Variants in ZNF587 observed in about 807,000 individuals in gnomAD.
ZNF587 encodes the protein zinc finger protein zfp6.
Under a neutral mutation model 7.5 loss-of-function variants are expected in ZNF587, and 8 were observed. The ratio of observed to expected loss-of-function variants is 1.06; its 90% CI spans 0.62 to 1.92. The LOEUF is 1.92. Among genes scored for constraint, ZNF587 ranks in the 40% most tolerant of loss-of-function variants. The pLI, the probability that ZNF587 is intolerant of heterozygous loss-of-function variation, is 0.00. For missense variants in ZNF587, 468 were observed against 692.8 expected (o/e 0.68, Z 3.64); for synonymous variants, 145 against 237.8 (o/e 0.61, Z 3.59).
rs1423350443 is a variant in ZNF587, at chr19:57,850,303, G to A, written c.33+232G>A. 1.8e-5 allele frequency: 12 copies of A among 675,220 alleles called. No individual in the cohort carries two copies. The East Asian group carries it at 2.2e-4, about 12-fold the overall frequency. 41.8% of individuals were successfully genotyped at this position (675,220 alleles called of 1,614,324 possible). ...TTGCGATGGAGAAATAGTAATTCAC[G>A]CAGAGCCGTCCTGCTGTTCGGGAGA... On this transcript the variant is annotated intron_variant, in intron 1 of 2. Transcript: ENST00000339656.
chr19:57,850,247 T>A, intron 1 of ZNF587, 176 bp downstream of exon 1: 2 of 1,088,616 alleles, frequency 1.8e-6, no homozygotes, highest in Non-Finnish European at 2.7e-6. Context: ...GCCAGCTGCC[T>A]AGACAGAGCC....
Position 57,856,143 on chromosome 19 carries a change from T to C in ZNF587, c.73T>C (p.Ser25Pro). The C allele has an allele frequency of 6.2e-7, 1 of 1,612,928 alleles. No homozygotes were observed. The highest frequency in any genetic ancestry group is 8.5e-7 in the Non-Finnish European group (1 of 1,179,580). ...CTTTGAAGATGTGGCTGTGAACTTTTCCCAGGAGGAGTGGTGTCTTCTTAG... is the reference window on the plus strand; with the variant it reads ...CTTTGAAGATGTGGCTGTGAACTTTCCCCAGGAGGAGTGGTGTCTTCTTAG... ...VTFEDVAVNF[S>P]QEEWCLLSEA... The change falls in exon 2 of 3, where the codon TCC (serine) becomes CCC (proline). Residue 25 changes from serine (S) to proline (P), a missense_variant. Coordinates refer to ENST00000339656, the MANE Select transcript of ZNF587 (RefSeq NM_032828.4).
At chr19:57,858,418 T>C (rs1489777471) in intron 2 of ZNF587, 158 bp from the exon 3 acceptor site, 1 of 1,438,704 alleles carries the variant, frequency 7.0e-7, no homozygotes, top group Non-Finnish European at 9.2e-7. Context: ...TGAGCCACCA[T>C]GCCCAGCCAG....
intron 2 of ZNF587, among the ~76,000 whole-genome samples, chr19:57,857,675 C>T (rs1045279535): frequency 6.6e-6 from 1 of 151,708 alleles, no homozygotes; most frequent in African/African-American, 2.4e-5. Context: ...GCTCTTGTTG[C>T]CCAAGCTGGA....
chr19:57,860,355 G>A lies in ZNF587; in HGVS notation c.*215G>A. The A allele has an allele frequency of 1.2e-6, 1 of 831,704 alleles. No homozygotes were observed. Among genetic ancestry groups the A allele is most frequent in the Non-Finnish European group, 1.8e-6 (1 of 542,842 alleles). The allele number at this position is 831,704 out of a possible 1,614,324, so 51.5% of individuals were successfully genotyped here. A position where few individuals can be genotyped will look rare whatever the true frequency, so the allele number is the denominator to read the frequency against. On this transcript the variant is annotated 3_prime_UTR_variant, in exon 3 of 3. Transcript: ENST00000339656. Reference sequence around the variant, plus strand: ...GCAGTCTTGGCTCGCTGCAACTTGGGCCTCCTGGGTTCATGCAATCCTCCT... The same window carrying A: ...GCAGTCTTGGCTCGCTGCAACTTGGACCTCCTGGGTTCATGCAATCCTCCT...
intron 1 of ZNF587, among the ~76,000 whole-genome samples, chr19:57,855,101 C>T (rs556069861): frequency 6.6e-6 from 1 of 151,688 alleles, no homozygotes; most frequent in African/African-American, 2.4e-5. Flanking sequence ...GGAGAATGGC[C>T]TGAACCTGGG....
chr19:57,864,076 T>C lies in ZNF587; in HGVS notation c.*3936T>C, dbSNP rs1480126991. Reference sequence around the variant, plus strand: ...AAAAAAACTCAATCCATAAATGTTATACTTTATAACTTTATAACAGCATGT... The same window carrying C: ...AAAAAAACTCAATCCATAAATGTTACACTTTATAACTTTATAACAGCATGT... On this transcript the variant is annotated 3_prime_UTR_variant, in exon 3 of 3. Transcript: ENST00000339656. 2 of 150,422 alleles carry C rather than the reference T, an allele frequency of 1.3e-5. No individual in the cohort carries two copies. The highest frequency in any genetic ancestry group is 1.5e-5 in the Non-Finnish European group (1 of 67,734). The allele number at this position is 150,422 out of a possible 1,614,324, so 9.3% of individuals were successfully genotyped here. A position where few individuals can be genotyped will look rare whatever the true frequency, so the allele number is the denominator to read the frequency against.
intron 2 of ZNF587, among the ~76,000 whole-genome samples, chr19:57,857,520 A>G (rs1168780697): frequency 1.3e-5 from 2 of 151,756 alleles, no homozygotes; most frequent in African/African-American, 4.9e-5. Context: ...CCATGGTTAA[A>G]CCATCTATGA....
chr19:57,855,601 G>A (rs1476432612), intron 1 of ZNF587, among the ~76,000 whole-genome samples: 1 of 138,760 alleles, frequency 7.2e-6, no homozygotes, highest in Admixed American at 7.8e-5. Flanking sequence ...TCGCTCTGTT[G>A]GCCAGGGTGG....
chr19:57,849,876 G>T lies in ZNF587; in HGVS notation c.-163G>T, dbSNP rs1172279120. ...GGGTCTCTAGTAGCGGCTGTGTATCGGCGATGCGGGTGTTTCCCCAGTTTG... is the reference window on the plus strand; with the variant it reads ...GGGTCTCTAGTAGCGGCTGTGTATCTGCGATGCGGGTGTTTCCCCAGTTTG... On this transcript the variant is annotated 5_prime_UTR_variant, in exon 1 of 3. Transcript: ENST00000339656. 1.3e-6 allele frequency: 2 copies of T among 1,499,588 alleles called. No individual in the cohort carries two copies. The highest frequency in any genetic ancestry group is 1.8e-6 in the Non-Finnish European group (2 of 1,123,474). 92.9% of individuals were successfully genotyped at this position (1,499,588 alleles called of 1,614,324 possible). A position where few individuals can be genotyped will look rare whatever the true frequency, so the allele number is the denominator to read the frequency against.
chr19:57,860,263 C>G lies in ZNF587; in HGVS notation c.*123C>G. 6.4e-7 allele frequency: 1 copy of G among 1,556,174 alleles called. No individual in the cohort carries two copies. Among genetic ancestry groups the G allele is most frequent in the Non-Finnish European group, 8.8e-7 (1 of 1,137,928 alleles). On this transcript the variant is annotated 3_prime_UTR_variant, in exon 3 of 3. Coordinates refer to ENST00000339656, the MANE Select transcript of ZNF587 (RefSeq NM_032828.4). Reference sequence around the variant, plus strand: ...GGAAAACATCAGAATGTCTGCTGTCCTCGGTCTTAAGCGACTTCGTGTTGA... The same window carrying G: ...GGAAAACATCAGAATGTCTGCTGTCGTCGGTCTTAAGCGACTTCGTGTTGA...
rs1209797311 is a variant in ZNF587 at position 57,850,056 on chromosome 19, G to A, written c.18G>A (p.Pro6=). 2.5e-6 allele frequency: 4 copies of A among 1,614,130 alleles called. No homozygotes were observed. The highest frequency in any genetic ancestry group is 3.3e-5 in the Admixed American group (2 of 60,012). MAAAV[P]RRPTQQGTVT... ...GTAGTCCGATGGCAGCGGCTGTGCC[G>A]AGGCGCCCAACTCAGGTAATTGTGG... The change falls in exon 1 of 3, where the codon CCG becomes CCA. Residue 6 remains proline (P), a synonymous_variant. Coordinates refer to ENST00000339656, the MANE Select transcript of ZNF587 (RefSeq NM_032828.4).
chr19:57,854,904 T>C (rs896780175), intron 1 of ZNF587, among the ~76,000 whole-genome samples: 24 of 148,530 alleles, frequency 1.6e-4, no homozygotes, highest in African/African-American at 5.7e-4. Context: ...AGGCCAGGCA[T>C]GGTGGCTCAA....
At position 57,863,427 on chromosome 19, in the gene ZNF587, CT is replaced by C. The variant is rs1432333301; in HGVS notation, c.*3290del. 1 of 151,966 alleles carries C rather than the reference CT, an allele frequency of 6.6e-6. No homozygotes were observed. Among genetic ancestry groups the C allele is most frequent in the Non-Finnish European group, 1.5e-5 (1 of 68,054 alleles). The allele number at this position is 151,966 out of a possible 1,614,324, so 9.4% of individuals were successfully genotyped here. ...CACTGCACCTGGCCTGTATTCTTTT[CT>C]TTAGTAGAGACGGGGTTTTACTGTA... On this transcript the variant is annotated 3_prime_UTR_variant, in exon 3 of 3. Transcript: ENST00000339656.
intron 1 of ZNF587, chr19:57,853,647 T>A (rs868268093): frequency 6.6e-6 from 1 of 151,792 alleles, no homozygotes; most frequent in African/African-American, 2.4e-5. Flanking sequence ...GAAGGGGACA[T>A]AGACATCCAA....
At chr19:57,852,495 A>G (rs1369107499) in intron 1 of ZNF587, 2 of 398,014 alleles carry the variant, frequency 5.0e-6, no homozygotes, top group Non-Finnish European at 8.9e-6. Context: ...GTCTGGATTC[A>G]GGATTCACTT....
rs1208272352 is a variant in ZNF587, at chr19:57,850,792, GGGA to G, written c.33+725_33+727del. 9.6e-5 allele frequency: 37 copies of G among 387,338 alleles called. No homozygotes were observed. The East Asian group carries it at 1.4e-3, about 14-fold the overall frequency. The allele number at this position is 387,338 out of a possible 1,614,324, so 24.0% of individuals were successfully genotyped here. A position where few individuals can be genotyped will look rare whatever the true frequency, so the allele number is the denominator to read the frequency against. On this transcript the variant is annotated intron_variant, in intron 1 of 2. Coordinates refer to ENST00000339656, the MANE Select transcript of ZNF587 (RefSeq NM_032828.4). ...CTTTGTTCTTATGGCTGATTGGAGG[GGGA>G]GGAAGCGATCAGGAAAAGGATTAAT...
chr19:57,853,247 A>G (rs2071306001), intron 1 of ZNF587, among the ~76,000 whole-genome samples: 1 of 152,332 alleles, frequency 6.6e-6, no homozygotes, highest in Non-Finnish European at 1.5e-5. Flanking sequence ...AACCATGCAC[A>G]CTGCTTCAGC....
rs1167787950 is a variant in ZNF587 at position 57,862,715 on chromosome 19, G to T, written c.*2575G>T. ...TGTTCCCAGGGAAATGTCCCAATCA[G>T]AAGAAGATTATCTGGGACACTGATA... On this transcript the variant is annotated 3_prime_UTR_variant, in exon 3 of 3. Transcript: ENST00000339656. 1 of 154,950 alleles carries T rather than the reference G, an allele frequency of 6.5e-6. No individual in the cohort carries two copies. Among genetic ancestry groups the T allele is most frequent in the Non-Finnish European group, 1.5e-5 (1 of 68,230 alleles). 9.6% of individuals were successfully genotyped at this position (154,950 alleles called of 1,614,324 possible).
Sources: allele counts gnomAD v4.1 joint callset (sites outside exome capture counted in the v4.1 genomes callset), GRCh38; gene constraint gnomAD v4.1.1; transcripts MANE v1.5; gene names NCBI Gene and HGNC (gene_info 2026-07-23, HGNC 2026-07-21).